Variants in LTBP1 observed in about 807,000 individuals in gnomAD.
The protein encoded by LTBP1 is latent-transforming growth factor beta-binding protein 1.
A neutral mutation model predicts 207.6 loss-of-function variants in LTBP1; 129 were observed. The ratio of observed to expected loss-of-function variants is 0.62; its 90% CI spans 0.54 to 0.72. LTBP1 has a LOEUF of 0.72. Ranked by LOEUF, LTBP1 falls within the 30% of genes least tolerant of loss-of-function variation. The pLI is 0.00. For missense variants in LTBP1, 2,281 were observed against 2,217.2 expected, an observed-to-expected ratio of 1.03 and a Z score of -0.58; for synonymous variants, 963 against 833.7, an observed-to-expected ratio of 1.16 and a Z score of -2.67.
chr2:32,976,154 C>T (rs1006202176), intron 2 of LTBP1, among the ~76,000 whole-genome samples: 3 of 152,158 alleles, frequency 2.0e-5, no homozygotes, highest in Admixed American at 2.0e-4. Context: ...GTTCAGTTGA[C>T]TACTATGCTG....
chr2:33,328,612 C>G (rs2094458295), intron 24 of LTBP1, among the ~76,000 whole-genome samples: 1 of 152,152 alleles, frequency 6.6e-6, no homozygotes, highest in South Asian at 2.1e-4. Flanking sequence ...GAGACTTACT[C>G]ACTATCATGA....
intron 4 of LTBP1, among the ~76,000 whole-genome samples, chr2:33,114,270 A>G (rs2080600498): frequency 6.6e-6 from 1 of 152,262 alleles, no homozygotes; most frequent in Admixed American, 6.5e-5. Flanking sequence ...GGAGTACTTT[A>G]GACTTTGTTA....
At chr2:33,100,703 T>C (rs563729794) in intron 3 of LTBP1, among the ~76,000 whole-genome samples, 1 of 152,160 alleles carries the variant, frequency 6.6e-6, no homozygotes, top group Middle Eastern at 3.4e-3. Flanking sequence ...TCTCTCTCTC[T>C]CCCCCAACCC....
In LTBP1 at chr2:33,217,605, G is replaced by T. The variant is rs1408674664; in HGVS notation, c.1755G>T (p.Val585=). 6.2e-7 allele frequency: 1 copy of T among 1,613,890 alleles called. No individual in the cohort carries two copies. Residue 585 remains valine, a synonymous_variant, in exon 8 of 34, where the codon GTG becomes GTT. Transcript: ENST00000404816. ...AGCAAGAGGACTGCTGTGGAACTGT[G>T]GGTACCTCCTGGGGCTTTAACAAAT... ...LSKQEDCCGT[V]GTSWGFNKCQ...
intron 15 of LTBP1, among the ~76,000 whole-genome samples, chr2:33,272,930 T>A (rs1050273846): frequency 6.6e-6 from 1 of 152,150 alleles, no homozygotes; most frequent in African/African-American, 2.4e-5. Context: ...AGTGTATGTC[T>A]GTGAGTAGAC....
At chr2:33,295,370 T>C (rs1429974226) in intron 20 of LTBP1, among the ~76,000 whole-genome samples, 1 of 151,954 alleles carries the variant, frequency 6.6e-6, no homozygotes, top group African/African-American at 2.4e-5. Context: ...CTACTAAAAA[T>C]ACAAAAATTA....
chr2:33,108,271 G>A (rs763699732), intron 3 of LTBP1, among the ~76,000 whole-genome samples: 5 of 151,912 alleles, frequency 3.3e-5, no homozygotes, highest in Non-Finnish European at 5.9e-5. Flanking sequence ...ACCTGTGCAC[G>A]CACCTCATGG....
At chr2:33,381,597 G>A (rs918829130) in intron 31 of LTBP1, among the ~76,000 whole-genome samples, 3 of 152,062 alleles carry the variant, frequency 2.0e-5, no homozygotes, top group Admixed American at 6.5e-5. Flanking sequence ...CTAATAAATC[G>A]AGCAAATTCA....
At chr2:33,346,675 A>T (rs1053689558) in intron 25 of LTBP1, among the ~76,000 whole-genome samples, 24 of 150,784 alleles carry the variant, frequency 1.6e-4, no homozygotes, top group African/African-American at 5.4e-4. Context: ...ACAGAATGAG[A>T]CGCCGTCTCA....
intron 5 of LTBP1, among the ~76,000 whole-genome samples, chr2:33,153,082 G>T (rs1006159503): frequency 1.3e-5 from 2 of 152,140 alleles, no homozygotes; most frequent in African/African-American, 2.4e-5. Context: ...AATGAGATGA[G>T]GCTCTCTTTG....
chr2:33,278,382 C>T (rs182950491), intron 18 of LTBP1, among the ~76,000 whole-genome samples: 127 of 152,224 alleles, frequency 8.3e-4, no homozygotes, highest in South Asian at 2.7e-3. Context: ...CCAAGAAACG[C>T]GGCTGTTTTC....
chr2:33,026,230 G>T lies in LTBP1; in HGVS notation c.863+5024G>T, dbSNP rs184537224. ...CCTTAAACGATCTCTCAGACTGTAGGAGGGGACCTTGCTCAATATTGAACC... is the reference window on the plus strand; with the variant it reads ...CCTTAAACGATCTCTCAGACTGTAGTAGGGGACCTTGCTCAATATTGAACC... On this transcript the variant is annotated intron_variant, in intron 3 of 33. Transcript: ENST00000404816. Among the ~76,000 whole-genome samples the T allele has an allele frequency of 1.7e-3, 265 of 152,182 alleles. 1 individual carries two copies. Among genetic ancestry groups the T allele is most frequent in the Non-Finnish European group, 3.0e-3 (202 of 68,004 alleles).
intron 15 of LTBP1, among the ~76,000 whole-genome samples, chr2:33,266,355 A>G (rs1573514984): frequency 6.6e-6 from 1 of 152,186 alleles, no homozygotes; most frequent in African/African-American, 2.4e-5. Flanking sequence ...CTCAGCATGA[A>G]TAGCCTGGGT....
chr2:33,070,470 A>G (rs1314623020), intron 3 of LTBP1, among the ~76,000 whole-genome samples: 1 of 152,240 alleles, frequency 6.6e-6, no homozygotes, highest in East Asian at 1.9e-4. Flanking sequence ...ATTTGCTTAA[A>G]GAAGTCCTTT....
chr2:32,951,194 A>C (rs950002523), intron 2 of LTBP1, among the ~76,000 whole-genome samples: 35 of 152,244 alleles, frequency 2.3e-4, no homozygotes, highest in Admixed American at 1.9e-3. Context: ...GGACAGTACC[A>C]GCATCTAAGC....
chr2:33,228,066 A>G (rs7606937), intron 9 of LTBP1, among the ~76,000 whole-genome samples: 12,916 of 151,890 alleles, frequency 0.085, 1,322 homozygotes, highest in African/African-American at 0.25. Flanking sequence ...CGGCCTCCCA[A>G]AGTGCTGGGA....
intron 8 of LTBP1, among the ~76,000 whole-genome samples, chr2:33,218,688 C>T (rs529409274): frequency 9.8e-4 from 150 of 152,292 alleles, no homozygotes; most frequent in African/African-American, 3.5e-3. Context: ...TGAGCCACTG[C>T]GCCTGGCCAT....
chr2:33,160,467 AT>A (rs1267462596), intron 5 of LTBP1, among the ~76,000 whole-genome samples: 1 of 152,174 alleles, frequency 6.6e-6, no homozygotes, highest in Admixed American at 6.5e-5. Context: ...AGGAGCTTGA[AT>A]GCCTGTGTAA....
intron 26 of LTBP1, among the ~76,000 whole-genome samples, chr2:33,355,625 C>T (rs1401740285): frequency 1.3e-5 from 2 of 152,082 alleles, no homozygotes; most frequent in Non-Finnish European, 2.9e-5. Context: ...CCAGGAGCCC[C>T]TTCATTCATC....
Sources: gnomAD v4.1 joint callset for allele counts (sites outside exome capture counted in the v4.1 genomes callset) on GRCh38, gnomAD v4.1.1 for gene constraint, MANE v1.5 for transcripts, NCBI Gene and HGNC (gene_info 2026-07-23, HGNC 2026-07-21) for gene names.